The following MTOR variants were observed in gnomAD, a reference collection of about 807,000 sequenced individuals.
MTOR encodes serine/threonine-protein kinase mTOR.
Under a neutral mutation model 319.8 loss-of-function variants are expected in MTOR, and 70 were observed. The ratio of observed to expected loss-of-function variants is 0.22; its 90% CI spans 0.18 to 0.27. MTOR has a LOEUF of 0.27. MTOR is among the 10% of genes least tolerant of loss of function. The pLI, the probability that MTOR is intolerant of heterozygous loss-of-function variation, is 1.00. For synonymous variants in MTOR, 1,183 were observed against 1,211.4 expected, an observed-to-expected ratio of 0.98 and a Z score of 0.49; for missense variants, 1,890 against 3,274.4, an observed-to-expected ratio of 0.58 and a Z score of 10.32.
intron 28 of MTOR, among the ~76,000 whole-genome samples, chr1:11,172,810 T>C (rs1371840275): frequency 7.0e-6 from 1 of 143,614 alleles, no homozygotes; most frequent in Non-Finnish European, 1.5e-5. Flanking sequence ...TGGAGGTTGC[T>C]GAGATCGCAC....
intron 6 of MTOR, among the ~76,000 whole-genome samples, chr1:11,253,262 A>G (rs181699922): frequency 1.3e-5 from 2 of 152,232 alleles, no homozygotes; most frequent in East Asian, 1.9e-4. Flanking sequence ...TCAAGCCAAC[A>G]CATCTCCTAA....
intron 28 of MTOR, among the ~76,000 whole-genome samples, chr1:11,184,678 C>T (rs913793607): frequency 6.6e-6 from 1 of 152,008 alleles, no homozygotes; most frequent in Non-Finnish European, 1.5e-5. Flanking sequence ...TTTCAGTAAG[C>T]TATATGATTG....
In MTOR at chr1:11,144,775, T is replaced by A; in HGVS notation, c.4765-20A>T. On this transcript the variant is annotated intron_variant, in intron 33 of 57. Coordinates refer to ENST00000361445, the MANE Select transcript of MTOR (RefSeq NM_004958.4). ...CATGGCCTGATGGAAGCAAATCGCA[T>A]TCCAAACTAATTACTGCACGAACAA... is the stretch of plus-strand genomic sequence containing the variant. The A allele has an allele frequency of 6.2e-7, 1 of 1,605,786 alleles. No homozygotes were observed. The highest frequency in any genetic ancestry group is 8.5e-7 in the Non-Finnish European group (1 of 1,175,478).
intron 18 of MTOR, among the ~76,000 whole-genome samples, 176 bp from the exon 19 acceptor site, chr1:11,229,094 C>T (rs1646937439): frequency 6.6e-6 from 1 of 152,172 alleles, no homozygotes; most frequent in South Asian, 2.1e-4. Context: ...AATAGCCTCT[C>T]ACCATCAAGG....
At chr1:11,203,571 G>C (rs1009987767) in intron 26 of MTOR, among the ~76,000 whole-genome samples, 4 of 152,140 alleles carry the variant, frequency 2.6e-5, no homozygotes, top group African/African-American at 9.7e-5. Flanking sequence ...CTACACGGGA[G>C]GCTGAGGCAG....
intron 9 of MTOR, 76 bp downstream of exon 9, chr1:11,243,038 C>T: frequency 6.5e-7 from 1 of 1,547,032 alleles, no homozygotes; most frequent in Non-Finnish European, 8.8e-7. Context: ...GGCGTAAGCT[C>T]CGTGGATCTG....
At position 11,139,562 on chromosome 1, in the gene MTOR, C is replaced by T. The variant is rs1643590177; in HGVS notation, c.4969G>A (p.Ala1657Thr). The change falls in exon 35 of 58, where the codon GCA becomes ACA. Residue 1657 changes from alanine to threonine, a missense_variant. Ala to Thr is a moderately conservative substitution (Grantham distance 58). Around this residue, in one of 15 missense-constraint regions of MTOR, gnomAD observed 276 missense variants for 459.4 expected, o/e 0.60. Transcript: ENST00000361445. ...CTGCCACTCTTGCCGCACAGGCTTG[C>T]ATACTTGAGCCAGGTTCTCATGTCT... ...HEDMRTWLKY[A>T]SLCGKSGRLA... 1.2e-6 allele frequency: 2 copies of T among 1,614,112 alleles called. No homozygotes were observed. The highest frequency in any genetic ancestry group is 2.7e-5 in the African/African-American group (2 of 74,926).
At chr1:11,241,520 G>A (rs1648030217) in intron 10 of MTOR, 33 bp downstream of exon 10, 3 of 1,591,042 alleles carry the variant, frequency 1.9e-6, no homozygotes, top group Admixed American at 1.7e-5. Context: ...GCCTCACGCT[G>A]ATACAGGGCA....
intron 19 of MTOR, among the ~76,000 whole-genome samples, chr1:11,228,319 G>A (rs1646912265): frequency 6.6e-6 from 1 of 152,052 alleles, no homozygotes; most frequent in Non-Finnish European, 1.5e-5. Context: ...CTCCCGAGTA[G>A]CTGGGATTAT....
chr1:11,133,109 C>A lies in MTOR; in HGVS notation c.5335G>T (p.Ala1779Ser). ...IPKVLQYYSA[A>S]TEHDRSWYKA... ...TACCAGCTGCGGTCGTGCTCTGTGG[C>A]GGCGCTGTAGTACTGCAGCACTTTG... The change falls in exon 38 of 58, where the codon GCC becomes TCC. Residue 1779 changes from alanine to serine, a missense_variant. Around this residue, in one of 15 missense-constraint regions of MTOR, gnomAD observed 276 missense variants for 459.4 expected, o/e 0.60. Transcript: ENST00000361445. The surrounding 1 kb of genome is among the most constrained non-coding windows in gnomAD (Gnocchi z 4.0). The A allele has an allele frequency of 3.1e-6, 5 of 1,614,088 alleles. No individual in the cohort carries two copies. Among genetic ancestry groups the A allele is most frequent in the Non-Finnish European group, 4.2e-6 (5 of 1,180,006 alleles).
At chr1:11,145,304 A>G (rs1643894671) in intron 32 of MTOR, 1 of 490,366 alleles carries the variant, frequency 2.0e-6, no homozygotes, top group Admixed American at 3.7e-5. Context: ...CTTAGGTGGC[A>G]AGGGCATGGG....
At position 11,109,403 on chromosome 1, in the gene MTOR, A is replaced by G. The variant is rs1387346073; in HGVS notation, c.7448-33T>C. ...ACACAAAAGTAGAAATAACTGTAAG[A>G]ATGGGAGCAATACAACAGGTTCAAT... is the stretch of plus-strand genomic sequence containing the variant. On this transcript the variant is annotated intron_variant, in intron 55 of 57. Transcript: ENST00000361445. The surrounding 1 kb of genome is among the most constrained non-coding windows in gnomAD (Gnocchi z 4.0). The G allele has an allele frequency of 4.4e-6, 7 of 1,597,124 alleles. No individual in the cohort carries two copies. Among genetic ancestry groups the G allele is most frequent in the Non-Finnish European group, 6.0e-6 (7 of 1,165,288 alleles).
chr1:11,236,508 C>T (rs1647243650), intron 13 of MTOR, among the ~76,000 whole-genome samples: 3 of 145,254 alleles, frequency 2.1e-5, no homozygotes, highest in South Asian at 2.2e-4. Context: ...AGTGATTTCA[C>T]GTTTTTTTTT....
rs376956524 is a variant in MTOR at position 11,116,986 on chromosome 1, C to A, written c.7016+18G>T. ...CAATGGAGAAAGAAGACTAAAAAAA[C>A]CAAATTAAATTACTCACCTATCTCC... On this transcript the variant is annotated intron_variant, in intron 50 of 57. Coordinates refer to ENST00000361445, the MANE Select transcript of MTOR (RefSeq NM_004958.4). 42 of 1,584,162 alleles carry A rather than the reference C, an allele frequency of 2.7e-5. No individual in the cohort carries two copies. The highest frequency in any genetic ancestry group is 2.1e-4 in the Admixed American group (11 of 52,870).
intron 28 of MTOR, among the ~76,000 whole-genome samples, chr1:11,172,175 A>ACCAGTGGCCTTTACCACT (rs1644836138): frequency 6.6e-6 from 1 of 152,230 alleles, no homozygotes; most frequent in Non-Finnish European, 1.5e-5. Flanking sequence ...CTGGGGGACC[A>ACCAGTGGCCTTTACCACT]GGCCTTTACC....
intron 54 of MTOR, among the ~76,000 whole-genome samples, chr1:11,112,646 C>T (rs936146665): frequency 6.6e-6 from 1 of 152,224 alleles, no homozygotes; most frequent in African/African-American, 2.4e-5. Flanking sequence ...ATTCTAGAAA[C>T]ACTCTGGACA....
At chr1:11,141,357 C>T (rs1211898455) in intron 34 of MTOR, among the ~76,000 whole-genome samples, 1 of 151,912 alleles carries the variant, frequency 6.6e-6, no homozygotes, top group African/African-American at 2.4e-5. Context: ...AAGCTATCTG[C>T]CTGCCTCAGC....
Position 11,228,898 on chromosome 1 carries a change from T to C in MTOR, c.2800A>G (p.Met934Val), listed in dbSNP as rs2100856815. ...GGCAAGTTTCCCATGTTGACCAGCA[T>C]TTCACTAGTGCTATAGTCAGCTAGG... ...QDSSDYSTSE[M>V]LVNMGNLPLD... Residue 934 changes from methionine to valine, a missense_variant, in exon 19 of 58, where the codon ATG (methionine) becomes GTG (valine). By Grantham distance (21) the Met-to-Val change is conservative. Around this residue, in one of 15 missense-constraint regions of MTOR, gnomAD observed 377 missense variants for 653.9 expected, o/e 0.58. Transcript: ENST00000361445. 2 of 1,614,170 alleles carry C rather than the reference T, an allele frequency of 1.2e-6. No homozygotes were observed. Among genetic ancestry groups the C allele is most frequent in the Non-Finnish European group, 1.7e-6 (2 of 1,180,030 alleles).
At chr1:11,155,147 G>A (rs1644276866) in intron 30 of MTOR, among the ~76,000 whole-genome samples, 1 of 152,108 alleles carries the variant, frequency 6.6e-6, no homozygotes. Context: ...GGCAGGAAAT[G>A]TCTAAACAAA....
Sources: gnomAD v4.1 joint callset for allele counts (sites outside exome capture counted in the v4.1 genomes callset) on GRCh38, gnomAD v4.1.1 for gene constraint, gnomAD v4.1.1 regional missense constraint, Gnocchi (gnomAD v3.1) non-coding constraint, MANE v1.5 for transcripts, NCBI Gene and HGNC (gene_info 2026-07-23, HGNC 2026-07-21) for gene names.